The following C5AR1 variants were observed in gnomAD, a reference collection of about 807,000 sequenced individuals.
The protein encoded by C5AR1 is complement C5a receptor 1.
In C5AR1, 4 loss-of-function variants were observed where a neutral mutation model predicts 2.4. The observed-to-expected ratio is 1.65, with a 90% CI of 0.81 to 3.77. C5AR1 has a LOEUF of 3.77. Among genes scored for constraint, C5AR1 ranks in the 30% most tolerant of loss-of-function variants. C5AR1 has a pLI of 0.01. For synonymous variants in C5AR1, 209 were observed against 210.4 expected, an observed-to-expected ratio of 0.99 and a Z score of 0.06; for missense variants, 418 against 462.5, an observed-to-expected ratio of 0.90 and a Z score of 0.88.
upstream of C5AR1, among the ~76,000 whole-genome samples, chr19:47,308,989 C>T (rs925897949): frequency 2.6e-5 from 4 of 151,968 alleles, no homozygotes; most frequent in African/African-American, 4.8e-5. Context: ...TGGCCAGACT[C>T]GTCTTGAACT....
Position 47,320,058 on chromosome 19 carries a change from C to T in C5AR1, c.281C>T (p.Thr94Met), listed in dbSNP as rs199837884. The change falls in exon 2 of 2, where the codon ACG becomes ATG. Residue 94 changes from threonine to methionine, a missense_variant. Physicochemically the swap from Thr to Met is moderately conservative, Grantham distance 81. Transcript: ENST00000355085. The surrounding 1 kb of genome is among the most constrained non-coding windows in gnomAD (Gnocchi z 4.9). Reference protein sequence around the residue: ...LSCLALPILFTSIVQHHHWPF... With the variant: ...LSCLALPILFMSIVQHHHWPF... ...TGCCTGGCGCTGCCCATCTTGTTCACGTCCATTGTACAGCATCACCACTGG... is the reference window on the plus strand; with the variant it reads ...TGCCTGGCGCTGCCCATCTTGTTCATGTCCATTGTACAGCATCACCACTGG... The T allele has an allele frequency of 1.4e-4, 220 of 1,614,104 alleles. No individual in the cohort carries two copies. Among genetic ancestry groups the T allele is most frequent in the Non-Finnish European group, 1.7e-4 (199 of 1,180,054 alleles).
chr19:47,320,333 G>C lies in C5AR1; in HGVS notation c.556G>C (p.Val186Leu). The change falls in exon 2 of 2, where the codon GTG becomes CTG. Residue 186 changes from valine to leucine, a missense_variant. Coordinates refer to ENST00000355085, the MANE Select transcript of C5AR1 (RefSeq NM_001736.4). The surrounding 1 kb of genome is among the most constrained non-coding windows in gnomAD (Gnocchi z 4.9). ...VVREEYFPPK[V>L]LCGVDYSHDK... is the part of the protein sequence containing the mutation. Reference sequence around the variant, plus strand: ...CCGGGAGGAGTACTTTCCACCAAAGGTGTTGTGTGGCGTGGACTACAGCCA... The same window carrying C: ...CCGGGAGGAGTACTTTCCACCAAAGCTGTTGTGTGGCGTGGACTACAGCCA... The C allele has an allele frequency of 6.2e-7, 1 of 1,610,016 alleles. No homozygotes were observed. The highest frequency in any genetic ancestry group is 8.5e-7 in the Non-Finnish European group (1 of 1,180,012).
chr19:47,313,170 A>T (rs111529746), intron 1 of C5AR1, among the ~76,000 whole-genome samples: 5 of 151,468 alleles, frequency 3.3e-5, no homozygotes, highest in African/African-American at 1.2e-4. Flanking sequence ...TAGAGACGGG[A>T]TTTCACCATG....
rs2059293882 is a variant in C5AR1 at position 47,317,524 on chromosome 19, A to ATG, written c.4-2256_4-2255insGT. 5.6e-5 allele frequency among the ~76,000 whole-genome samples: 8 copies of ATG among 143,370 alleles called. No individual in the cohort carries two copies. In the Admixed American group the frequency reaches 5.6e-4, roughly 10 times the overall value. The allele number at this position is 143,370 out of a possible 152,430, so 94.1% of individuals were successfully genotyped here. A position where few individuals can be genotyped will look rare whatever the true frequency, so the allele number is the denominator to read the frequency against. On this transcript the variant is annotated intron_variant, in intron 1 of 1. Transcript: ENST00000355085. ...CTCAGTCTCAAAAAAAAAAAAATAT[A>ATG]TATATATATATAGTGGTTCAGGGAT...
upstream of C5AR1, among the ~76,000 whole-genome samples, chr19:47,308,424 A>G (rs548695833): frequency 2.0e-5 from 3 of 152,222 alleles, 1 homozygote; most frequent in South Asian, 6.2e-4. Context: ...ATTTCATTAT[A>G]TATTACAATG....
intron 1 of C5AR1, among the ~76,000 whole-genome samples, chr19:47,319,106 C>T (rs1348812927): frequency 1.3e-5 from 2 of 150,962 alleles, no homozygotes; most frequent in African/African-American, 2.4e-5. Context: ...GGCTGATCTT[C>T]AACTCCTGAC....
intron 1 of C5AR1, among the ~76,000 whole-genome samples, chr19:47,312,325 A>G (rs1175713116): frequency 6.6e-6 from 1 of 152,096 alleles, no homozygotes; most frequent in Non-Finnish European, 1.5e-5. Context: ...GCCCCAAGCA[A>G]TCTTCCCGCC....
In C5AR1 at chr19:47,310,395, G is replaced by A. The variant is rs1167101287; in HGVS notation, c.3+497G>A. Among the ~76,000 whole-genome samples, 3 of 152,086 alleles carry A rather than the reference G, an allele frequency of 2.0e-5. No individual in the cohort carries two copies. The East Asian group carries it at 5.8e-4, about 29-fold the overall frequency. ...CCACAAGTGAAGAAATCTAGAACAG[G>A]CCTTCCAGGCAGTGGGAATGGCAGA... On this transcript the variant is annotated intron_variant, in intron 1 of 1. Coordinates refer to ENST00000355085, the MANE Select transcript of C5AR1 (RefSeq NM_001736.4).
At chr19:47,311,152 ATTC>A (rs963848462) in intron 1 of C5AR1, among the ~76,000 whole-genome samples, 18 of 151,842 alleles carry the variant, frequency 1.2e-4, no homozygotes, top group South Asian at 4.2e-4. Context: ...GGACTCTCTG[ATTC>A]TTCTTCTTCT....
In C5AR1 at chr19:47,320,585, C is replaced by T; in HGVS notation, c.808C>T (p.Pro270Ser). The T allele has an allele frequency of 6.2e-7, 1 of 1,614,032 alleles. No homozygotes were observed. The highest frequency in any genetic ancestry group is 1.1e-5 in the South Asian group (1 of 91,076). ...VTGIMMSFLE[P>S]SSPTFLLLKK... The stretch of plus-strand genomic sequence containing the variant: ...GGGGATAATGATGTCCTTCCTGGAG[C>T]CATCGTCACCCACCTTCCTGCTGCT... Residue 270 changes from proline (P) to serine (S), a missense_variant, in exon 2 of 2, where the codon CCA becomes TCA. Physicochemically the swap from Pro to Ser is moderately conservative, Grantham distance 74. Transcript: ENST00000355085. This position sits in a 1 kb window ranked among gnomAD's most constrained non-coding sequence, Gnocchi z 4.9.
At chr19:47,315,220 G>C (rs930596880) in intron 1 of C5AR1, among the ~76,000 whole-genome samples, 4 of 152,078 alleles carry the variant, frequency 2.6e-5, no homozygotes, top group African/African-American at 9.7e-5. Flanking sequence ...GTAGTATTCT[G>C]TTGCCTGGAT....
intron 1 of C5AR1, among the ~76,000 whole-genome samples, chr19:47,315,420 C>G (rs1050839170): frequency 3.9e-5 from 6 of 152,136 alleles, no homozygotes; most frequent in African/African-American, 1.4e-4. Context: ...TGAGTGAGCT[C>G]ATGGCAGGAA....
chr19:47,313,560 A>G (rs1453804836), intron 1 of C5AR1, among the ~76,000 whole-genome samples: 2 of 151,566 alleles, frequency 1.3e-5, no homozygotes, highest in Non-Finnish European at 2.9e-5. Flanking sequence ...TATCCTGGCT[A>G]ACACGGTGAA....
chr19:47,312,309 C>A (rs770408760), intron 1 of C5AR1, among the ~76,000 whole-genome samples: 1 of 152,180 alleles, frequency 6.6e-6, no homozygotes, highest in Non-Finnish European at 1.5e-5. Flanking sequence ...TGGTCTTGAA[C>A]TCCTGGCCCC....
chr19:47,310,071 C>T (rs1314321554), intron 1 of C5AR1, among the ~76,000 whole-genome samples, 173 bp downstream of exon 1: 1 of 152,198 alleles, frequency 6.6e-6, no homozygotes, highest in Non-Finnish European at 1.5e-5. Flanking sequence ...GCATCCCAGG[C>T]TCTCACACTC....
At chr19:47,311,200 CCAAATGATA>C (rs1316555224) in intron 1 of C5AR1, among the ~76,000 whole-genome samples, 1 of 151,624 alleles carries the variant, frequency 6.6e-6, no homozygotes, top group East Asian at 1.9e-4. Context: ...TTCCAAAGTA[CCAAATGATA>C]CTTGGTAAAA....
intron 1 of C5AR1, among the ~76,000 whole-genome samples, chr19:47,314,151 A>G (rs1014979284): frequency 6.6e-6 from 1 of 152,144 alleles, no homozygotes; most frequent in African/African-American, 2.4e-5. Context: ...TGCAACAGAC[A>G]AGGGTTGTTC....
upstream of C5AR1, among the ~76,000 whole-genome samples, chr19:47,308,688 T>A (rs1237793102): frequency 6.6e-6 from 1 of 151,986 alleles, no homozygotes; most frequent in African/African-American, 2.4e-5. Flanking sequence ...TCTGAGTAGC[T>A]GAGATTACAG....
chr19:47,319,700 C>A, intron 1 of C5AR1, 81 bp from the exon 2 acceptor site: 1 of 883,928 alleles, frequency 1.1e-6, no homozygotes, highest in Non-Finnish European at 1.8e-6. Context: ...AGGGGAAAAG[C>A]CACATGCCTG....
Sources: gnomAD v4.1 joint callset for allele counts (sites outside exome capture counted in the v4.1 genomes callset) on GRCh38, gnomAD v4.1.1 for gene constraint, Gnocchi (gnomAD v3.1) non-coding constraint, MANE v1.5 for transcripts, NCBI Gene and HGNC (gene_info 2026-07-23, HGNC 2026-07-21) for gene names.